Variants in GARRE1 observed in about 807,000 individuals in gnomAD.
GARRE1 encodes granule associated Rac and RHOG effector protein 1.
GARRE1 carries 49 observed loss-of-function variants against 103.2 expected under a neutral mutation model. The observed-to-expected ratio is 0.47, with a 90% CI of 0.38 to 0.60. The LOEUF (loss-of-function observed/expected upper bound fraction) is 0.60. GARRE1 is among the 20% of genes least tolerant of loss of function. GARRE1 has a pLI of 0.00. For synonymous variants in GARRE1, 505 were observed against 532.8 expected (o/e 0.95, Z 0.72); for missense variants, 1,199 against 1,370.5 (o/e 0.87, Z 1.98).
intron 12 of GARRE1, among the ~76,000 whole-genome samples, chr19:34,349,945 G>A (rs2074228839): frequency 1.3e-5 from 2 of 152,170 alleles, no homozygotes. Context: ...TGTAGTCCCA[G>A]CTACTCGGGA....
intron 7 of GARRE1, among the ~76,000 whole-genome samples, chr19:34,331,818 A>C (rs1262336328): frequency 1.3e-5 from 2 of 151,990 alleles, no homozygotes; most frequent in African/African-American, 2.4e-5. Flanking sequence ...ATATGGCGAA[A>C]CCTCGTCTCT....
intron 2 of GARRE1, among the ~76,000 whole-genome samples, chr19:34,316,996 C>T (rs2074062979): frequency 6.6e-6 from 1 of 152,228 alleles, no homozygotes; most frequent in African/African-American, 2.4e-5. Flanking sequence ...GCTTCCTCCA[C>T]CTCATTCTCC....
chr19:34,342,206 C>T lies in GARRE1; in HGVS notation c.2272C>T (p.His758Tyr), dbSNP rs934658787. The change falls in exon 10 of 14, where the codon CAT becomes TAT. Residue 758 changes from histidine (H) to tyrosine (Y), a missense_variant. Transcript: ENST00000299505. Reference protein sequence around the residue: ...PQPRAPGKWVHGSSQQPAQAV... With the variant: ...PQPRAPGKWVYGSSQQPAQAV... ...GCCTCGGGCACCTGGGAAATGGGTA[C>T]ATGGCTCATCCCAGCAGCCAGCGCA... The T allele has an allele frequency of 8.7e-6, 14 of 1,614,118 alleles. No individual in the cohort carries two copies. The Admixed American group carries it at 2.0e-4, about 23-fold the overall frequency.
At chr19:34,338,689 C>T (rs947362550) in intron 8 of GARRE1, among the ~76,000 whole-genome samples, 1 of 152,108 alleles carries the variant, frequency 6.6e-6, no homozygotes, top group Non-Finnish European at 1.5e-5. Context: ...GTGGACAAAC[C>T]CATCCAGGGA....
chr19:34,280,354 T>C (rs2073843991), intron 1 of GARRE1, among the ~76,000 whole-genome samples: 1 of 152,258 alleles, frequency 6.6e-6, no homozygotes, highest in Non-Finnish European at 1.5e-5. Context: ...CATGTGCTTA[T>C]TAGCTGTTCG....
chr19:34,278,517 TG>T (rs1444548201), intron 1 of GARRE1, among the ~76,000 whole-genome samples: 2 of 150,674 alleles, frequency 1.3e-5, no homozygotes, highest in African/African-American at 2.4e-5. Context: ...TCTCAGCTCC[TG>T]GGCACAACCT....
At chr19:34,292,638 C>T (rs569576222) in intron 1 of GARRE1, among the ~76,000 whole-genome samples, 14 of 152,096 alleles carry the variant, frequency 9.2e-5, no homozygotes, top group South Asian at 2.1e-4. Context: ...CACAGTGGCA[C>T]GATTTCGGCT....
chr19:34,292,330 ATAAT>A (rs1330189322), intron 1 of GARRE1, among the ~76,000 whole-genome samples: 1 of 152,234 alleles, frequency 6.6e-6, no homozygotes, highest in African/African-American at 2.4e-5. Context: ...AGTTGAATAA[ATAAT>A]CCATTATATG....
chr19:34,319,381 C>T (rs1187767288), intron 2 of GARRE1, among the ~76,000 whole-genome samples: 1 of 152,144 alleles, frequency 6.6e-6, no homozygotes, highest in East Asian at 1.9e-4. Flanking sequence ...TTTCCTAAGA[C>T]TGGAATGATG....
chr19:34,346,548 T>C (rs2074212021), intron 10 of GARRE1, among the ~76,000 whole-genome samples: 1 of 152,216 alleles, frequency 6.6e-6, no homozygotes, highest in South Asian at 2.1e-4. Flanking sequence ...AGGTTATCAG[T>C]TGGCCAAAGT....
chr19:34,255,930 C>T (rs1458544857), intron 1 of GARRE1, among the ~76,000 whole-genome samples: 1 of 151,886 alleles, frequency 6.6e-6, no homozygotes. Flanking sequence ...CAACCTTAGC[C>T]TCCCGGGTTC....
At chr19:34,321,047 A>ATTT (rs2074085698) in intron 3 of GARRE1, among the ~76,000 whole-genome samples, 2 of 82,022 alleles carry the variant, frequency 2.4e-5, no homozygotes, top group African/African-American at 3.7e-5. Context: ...CCCAGACAAG[A>ATTT]TTCTTTTTTT....
At chr19:34,302,749 T>A (rs1336688362) in intron 2 of GARRE1, among the ~76,000 whole-genome samples, 1 of 151,080 alleles carries the variant, frequency 6.6e-6, no homozygotes, top group African/African-American at 2.4e-5. Flanking sequence ...TTTTTTTTTT[T>A]TTTTTTTTTT....
chr19:34,328,226 C>A, intron 6 of GARRE1, 75 bp downstream of exon 6: 2 of 1,511,444 alleles, frequency 1.3e-6, no homozygotes, highest in East Asian at 4.5e-5. Context: ...TAAAGGCTTG[C>A]GAAGGATGTA....
intron 2 of GARRE1, among the ~76,000 whole-genome samples, chr19:34,311,600 CAT>C (rs1225642224): frequency 2.0e-5 from 3 of 152,082 alleles, no homozygotes; most frequent in Non-Finnish European, 4.4e-5. Flanking sequence ...AAAAAATAAA[CAT>C]AATTTTTTTT....
chr19:34,305,887 G>A (rs2074005410), intron 2 of GARRE1, among the ~76,000 whole-genome samples: 1 of 152,326 alleles, frequency 6.6e-6, no homozygotes, highest in South Asian at 2.1e-4. Flanking sequence ...TTTCCCAGAC[G>A]AGTCTGGAAA....
chr19:34,318,366 A>T (rs1295039936), intron 2 of GARRE1, among the ~76,000 whole-genome samples: 1 of 152,168 alleles, frequency 6.6e-6, no homozygotes, highest in East Asian at 1.9e-4. Context: ...AGGACAGTGC[A>T]TGGGCACTGT....
intron 12 of GARRE1, among the ~76,000 whole-genome samples, chr19:34,349,384 C>T (rs1298070098): frequency 6.6e-6 from 1 of 151,964 alleles, no homozygotes; most frequent in Admixed American, 6.6e-5. Context: ...ACGGGGTGGC[C>T]GGTGCTGGTC....
chr19:34,267,043 C>T (rs1001639553), intron 1 of GARRE1, among the ~76,000 whole-genome samples: 14 of 152,156 alleles, frequency 9.2e-5, no homozygotes, highest in Admixed American at 2.6e-4. Context: ...GCGGGAGGAT[C>T]GCTTGAGGCC....
Sources: gnomAD v4.1 joint callset for allele counts (sites outside exome capture counted in the v4.1 genomes callset) on GRCh38, gnomAD v4.1.1 for gene constraint, MANE v1.5 for transcripts, NCBI Gene and HGNC (gene_info 2026-07-23, HGNC 2026-07-21) for gene names.